The following ATP8A2 variants were observed in gnomAD, a reference collection of about 807,000 sequenced individuals.
ATP8A2 encodes the protein phospholipid-transporting ATPase IB.
A neutral mutation model predicts 165.6 loss-of-function variants in ATP8A2; 100 were observed. That is an observed-to-expected ratio of 0.60 (90% CI 0.51 to 0.71). ATP8A2 has a LOEUF of 0.71. ATP8A2 is among the 30% of genes least tolerant of loss of function. The pLI is 0.00. For missense variants in ATP8A2, 1,227 were observed against 1,479.5 expected (o/e 0.83, Z 2.80); for synonymous variants, 543 against 548.8 (o/e 0.99, Z 0.15).
At chr13:25,636,646 T>C (rs1232081572) in intron 24 of ATP8A2, among the ~76,000 whole-genome samples, 1 of 152,154 alleles carries the variant, frequency 6.6e-6, no homozygotes, top group Admixed American at 6.6e-5. Flanking sequence ...AGATTCCTTT[T>C]GGTTCCACCT....
intron 27 of ATP8A2, among the ~76,000 whole-genome samples, chr13:25,797,128 C>T (rs368691168): frequency 2.0e-4 from 30 of 152,216 alleles, no homozygotes; most frequent in African/African-American, 6.5e-4. Context: ...ATTAGCTGGG[C>T]ATGGTGGCAC....
chr13:25,998,108 A>G (rs1956552862), intron 35 of ATP8A2, among the ~76,000 whole-genome samples: 1 of 152,138 alleles, frequency 6.6e-6, no homozygotes, highest in Non-Finnish European at 1.5e-5. Context: ...TTATGTCTTC[A>G]GGGTAGGGAT....
intron 2 of ATP8A2, among the ~76,000 whole-genome samples, chr13:25,515,941 TAAAC>T (rs941271484): frequency 6.6e-6 from 1 of 152,236 alleles, no homozygotes; most frequent in African/African-American, 2.4e-5. Context: ...ATACGCATGA[TAAAC>T]AAAGAAATGT....
At chr13:25,796,439 T>C (rs892865785) in intron 27 of ATP8A2, among the ~76,000 whole-genome samples, 1 of 152,168 alleles carries the variant, frequency 6.6e-6, no homozygotes, top group Non-Finnish European at 1.5e-5. Flanking sequence ...CTTCACTGCA[T>C]AGGGGCCGTG....
chr13:25,403,152 C>G (rs1485518431), intron 1 of ATP8A2, among the ~76,000 whole-genome samples: 1 of 152,166 alleles, frequency 6.6e-6, no homozygotes, highest in South Asian at 2.1e-4. Context: ...AGCATTCCGA[C>G]CACAGCACCT....
chr13:25,543,417 T>A lies in ATP8A2; in HGVS notation c.891+15T>A. The A allele has an allele frequency of 2.7e-6, 4 of 1,500,174 alleles. No individual in the cohort carries two copies. The highest frequency in any genetic ancestry group is 3.7e-6 in the Non-Finnish European group (4 of 1,081,846). The allele number at this position is 1,500,174 out of a possible 1,614,324, so 92.9% of individuals were successfully genotyped here. A position where few individuals can be genotyped will look rare whatever the true frequency, so the allele number is the denominator to read the frequency against. Reference sequence around the variant, plus strand: ...AACTCATGCAGGTAAAACATTTCTATGCTGATTTCAGTCTTTTTTTTCTTT... The same window carrying A: ...AACTCATGCAGGTAAAACATTTCTAAGCTGATTTCAGTCTTTTTTTTCTTT... On this transcript the variant is annotated intron_variant, in intron 10 of 36. Coordinates refer to ENST00000381655, the MANE Select transcript of ATP8A2 (RefSeq NM_016529.6).
At chr13:25,819,515 C>A (rs985261491) in intron 27 of ATP8A2, among the ~76,000 whole-genome samples, 2 of 152,062 alleles carry the variant, frequency 1.3e-5, no homozygotes, top group African/African-American at 4.8e-5. Context: ...ATTTATTTTG[C>A]CTTTTCCTTT....
chr13:25,671,510 C>T (rs981855469), intron 24 of ATP8A2, among the ~76,000 whole-genome samples: 1 of 152,130 alleles, frequency 6.6e-6, no homozygotes, highest in African/African-American at 2.4e-5. Context: ...CATGGGATAT[C>T]CCTGAGAAAG....
chr13:25,558,761 G>A (rs1419448003), intron 13 of ATP8A2, among the ~76,000 whole-genome samples: 1 of 152,118 alleles, frequency 6.6e-6, no homozygotes, highest in Non-Finnish European at 1.5e-5. Flanking sequence ...GCATATTTCG[G>A]TACACTTTGA....
intron 28 of ATP8A2, among the ~76,000 whole-genome samples, chr13:25,834,976 T>A (rs1231740422): frequency 1.0e-5 from 1 of 97,762 alleles, no homozygotes. Flanking sequence ...CAAATTATGA[T>A]CCCTAACGTG....
In ATP8A2 at chr13:25,790,818, A is replaced by G. The variant is rs888805686; in HGVS notation, c.2679+15859A>G. Among the ~76,000 whole-genome samples, 30 of 152,232 alleles carry G rather than the reference A, an allele frequency of 2.0e-4. 1 individual carries two copies. The highest frequency in any genetic ancestry group is 2.0e-3 in the Admixed American group (30 of 15,278). On this transcript the variant is annotated intron_variant, in intron 27 of 36. Coordinates refer to ENST00000381655, the MANE Select transcript of ATP8A2 (RefSeq NM_016529.6). ...AGATCATTAGAGAAATGAAAAATCA[A>G]AATGACAGTGAAATACCATCTGACA... is the stretch of plus-strand genomic sequence containing the variant.
chr13:25,906,478 A>G (rs1033030433), intron 33 of ATP8A2, among the ~76,000 whole-genome samples: 3 of 151,908 alleles, frequency 2.0e-5, no homozygotes, highest in African/African-American at 7.3e-5. Flanking sequence ...AGCAATTCCC[A>G]GCACCCCGAG....
intron 25 of ATP8A2, among the ~76,000 whole-genome samples, chr13:25,731,294 GAGAA>G (rs1188239150): frequency 7.3e-6 from 1 of 136,568 alleles, no homozygotes; most frequent in Admixed American, 7.4e-5. Context: ...GAAAGAGAGA[GAGAA>G]AGAAAGAAAA....
intron 27 of ATP8A2, among the ~76,000 whole-genome samples, chr13:25,798,363 T>G (rs1950539876): frequency 6.6e-6 from 1 of 152,218 alleles, no homozygotes; most frequent in South Asian, 2.1e-4. Flanking sequence ...CTCAGCTTTT[T>G]CTGTTTGTTT....
At chr13:25,800,971 C>G (rs920605062) in intron 27 of ATP8A2, among the ~76,000 whole-genome samples, 3 of 152,086 alleles carry the variant, frequency 2.0e-5, no homozygotes, top group Non-Finnish European at 4.4e-5. Flanking sequence ...AGATCTTGAC[C>G]GTCAGGAAAA....
intron 36 of ATP8A2, among the ~76,000 whole-genome samples, chr13:26,013,064 A>ACCCTCG (rs1277707130): frequency 3.7e-5 from 5 of 136,220 alleles, no homozygotes; most frequent in African/African-American, 1.4e-4. Flanking sequence ...TCCCCCTGCC[A>ACCCTCG]CCCCCGCCCC....
Position 25,960,806 on chromosome 13 carries a change from C to T in ATP8A2, c.3184-769C>T, listed in dbSNP as rs1027556830. Among the ~76,000 whole-genome samples the T allele has an allele frequency of 2.6e-5, 4 of 152,148 alleles. No individual in the cohort carries two copies. In the East Asian group the frequency reaches 5.8e-4, roughly 22 times the overall value. ...ATCCCCAAAACCCTCTCTACCTGTT[C>T]CCTCCCAAGCTATCCCTGACCAGCA... On this transcript the variant is annotated intron_variant, in intron 33 of 36. Transcript: ENST00000381655.
At chr13:25,715,790 A>G (rs1405601878) in intron 25 of ATP8A2, among the ~76,000 whole-genome samples, 2 of 152,178 alleles carry the variant, frequency 1.3e-5, no homozygotes, top group Non-Finnish European at 2.9e-5. Flanking sequence ...GTGTGGACAT[A>G]TGTTTTCATT....
chr13:25,892,822 A>C (rs1953418986), intron 33 of ATP8A2, among the ~76,000 whole-genome samples: 1 of 149,066 alleles, frequency 6.7e-6, no homozygotes, highest in East Asian at 2.0e-4. Flanking sequence ...TTTTTTTCGC[A>C]TCAAAATGAG....
Sources: allele counts gnomAD v4.1 joint callset (sites outside exome capture counted in the v4.1 genomes callset), GRCh38; gene constraint gnomAD v4.1.1; transcripts MANE v1.5; gene names NCBI Gene and HGNC (gene_info 2026-07-23, HGNC 2026-07-21).